The following FER variants were observed in gnomAD, a reference collection of about 807,000 sequenced individuals.
FER encodes the protein tyrosine-protein kinase Fer.
Under a neutral mutation model 111.0 loss-of-function variants are expected in FER, and 63 were observed. The observed-to-expected ratio is 0.57, with a 90% CI of 0.46 to 0.70. The LOEUF is 0.70. FER is among the 30% of genes least tolerant of loss of function. The pLI is 0.00. For missense variants in FER, 914 were observed against 954.0 expected, an observed-to-expected ratio of 0.96 and a Z score of 0.55; for synonymous variants, 327 against 313.9, an observed-to-expected ratio of 1.04 and a Z score of -0.44.
At chr5:109,116,030 A>C (rs537593972) in intron 17 of FER, among the ~76,000 whole-genome samples, 3 of 152,134 alleles carry the variant, frequency 2.0e-5, no homozygotes, top group Non-Finnish European at 4.4e-5. Context: ...TGAAATGATG[A>C]GATACCAAAG....
intron 16 of FER, among the ~76,000 whole-genome samples, chr5:109,056,798 A>G (rs1773707931): frequency 6.6e-6 from 1 of 152,212 alleles, no homozygotes; most frequent in African/African-American, 2.4e-5. Flanking sequence ...TCTTTTTACC[A>G]TCAATATGTA....
chr5:109,014,977 T>G (rs1206230289), intron 13 of FER: 1 of 152,028 alleles, frequency 6.6e-6, no homozygotes, highest in African/African-American at 2.4e-5. Context: ...TAATGTTGAT[T>G]TTTTTTAAAG....
intron 5 of FER, among the ~76,000 whole-genome samples, chr5:108,865,815 G>T (rs1763990641): frequency 6.6e-6 from 1 of 152,154 alleles, no homozygotes; most frequent in South Asian, 2.1e-4. Context: ...CATTTATGCA[G>T]CCAAAAGACA....
chr5:108,885,662 G>A lies in FER; in HGVS notation c.1046+2144G>A, dbSNP rs184611665. ...CTTTTATAATGGCACTAATCCCATT[G>A]ATAAGGGCTCTACCTTCATGACTTA... On this transcript the variant is annotated intron_variant, in intron 9 of 19. Transcript: ENST00000281092. Among the ~76,000 whole-genome samples the A allele has an allele frequency of 8.6e-5, 13 of 151,836 alleles. No homozygotes were observed. The East Asian group carries it at 2.3e-3, about 27-fold the overall frequency.
intron 11 of FER, among the ~76,000 whole-genome samples, chr5:108,952,988 T>C (rs952267932): frequency 5.9e-5 from 9 of 152,048 alleles, no homozygotes; most frequent in Admixed American, 2.0e-4. Context: ...CAGTAATAAC[T>C]GTTGAATAAA....
chr5:108,778,325 C>T (rs971081655), intron 2 of FER, among the ~76,000 whole-genome samples: 7 of 152,246 alleles, frequency 4.6e-5, no homozygotes, highest in African/African-American at 9.6e-5. Context: ...CAAGGACTTA[C>T]GGGGCATTTA....
intron 13 of FER, among the ~76,000 whole-genome samples, chr5:108,982,313 G>A (rs997121380): frequency 7.2e-5 from 11 of 152,104 alleles, no homozygotes; most frequent in Non-Finnish European, 1.5e-4. Flanking sequence ...AATTTAGATG[G>A]AGAATATAGT....
At position 108,959,348 on chromosome 5, in the gene FER, G is replaced by A; in HGVS notation, c.1656+1G>A. The stretch of plus-strand genomic sequence containing the variant: ...AGTTCTGCTGAATCCTATTCCTAAG[G>A]TAGGTGCTTATATACTTTTTTGTCT... On this transcript the variant is annotated splice_donor_variant, in intron 13 of 19. Transcript: ENST00000281092. LOFTEE classifies it high-confidence loss of function. The A allele has an allele frequency of 6.2e-7, 1 of 1,604,880 alleles. No individual in the cohort carries two copies. Among genetic ancestry groups the A allele is most frequent in the Non-Finnish European group, 8.5e-7 (1 of 1,175,944 alleles).
chr5:109,058,705 T>A (rs1773959195), intron 16 of FER, among the ~76,000 whole-genome samples: 1 of 148,028 alleles, frequency 6.8e-6, no homozygotes, highest in Admixed American at 6.7e-5. Context: ...ATCTTCTTTT[T>A]CTTTTTCTTT....
chr5:108,786,794 C>A (rs889433226), intron 2 of FER, among the ~76,000 whole-genome samples: 3 of 152,212 alleles, frequency 2.0e-5, no homozygotes, highest in Non-Finnish European at 4.4e-5. Flanking sequence ...GCCACCGTGC[C>A]CGGCCAAATT....
At chr5:109,179,868 G>T (rs1758108295) in intron 17 of FER, among the ~76,000 whole-genome samples, 1 of 152,076 alleles carries the variant, frequency 6.6e-6, no homozygotes, top group Non-Finnish European at 1.5e-5. Context: ...CCAAGGGATG[G>T]CTGTATATGA....
chr5:108,817,516 G>A (rs1212483036), intron 3 of FER, among the ~76,000 whole-genome samples: 7 of 152,138 alleles, frequency 4.6e-5, no homozygotes, highest in Non-Finnish European at 1.0e-4. Flanking sequence ...AGTAGTTGGA[G>A]GTGTAGTCTG....
chr5:108,993,421 C>T (rs1222198982), intron 13 of FER, among the ~76,000 whole-genome samples: 6 of 152,230 alleles, frequency 3.9e-5, no homozygotes, highest in South Asian at 2.1e-4. Flanking sequence ...CGCCTGCAAT[C>T]GCAGGCACTC....
At chr5:109,098,492 A>G (rs902346006) in intron 16 of FER, among the ~76,000 whole-genome samples, 4 of 151,862 alleles carry the variant, frequency 2.6e-5, no homozygotes, top group Non-Finnish European at 5.9e-5. Flanking sequence ...TGTAGCTCAG[A>G]CAGAATACTA....
chr5:109,110,960 A>T (rs546261694), intron 17 of FER, among the ~76,000 whole-genome samples: 3 of 152,250 alleles, frequency 2.0e-5, no homozygotes, highest in African/African-American at 7.2e-5. Context: ...TCCTCCTGGC[A>T]TTGTTTTATC....
At chr5:108,848,913 A>G (rs1407974385) in intron 5 of FER, among the ~76,000 whole-genome samples, 2 of 152,142 alleles carry the variant, frequency 1.3e-5, no homozygotes, top group East Asian at 3.9e-4. Flanking sequence ...TTCATTTTAA[A>G]ATATATTTTT....
At chr5:108,873,300 G>A (rs1024015749) in intron 8 of FER, among the ~76,000 whole-genome samples, 13 of 151,864 alleles carry the variant, frequency 8.6e-5, no homozygotes, top group Non-Finnish European at 1.8e-4. Flanking sequence ...GTGCCACCAT[G>A]CCTGGCTAAT....
At chr5:108,953,762 A>T (rs1363662496) in intron 11 of FER, among the ~76,000 whole-genome samples, 1 of 152,094 alleles carries the variant, frequency 6.6e-6, no homozygotes, top group African/African-American at 2.4e-5. Context: ...TCCAATTTAT[A>T]AATTACTTTC....
intron 16 of FER, among the ~76,000 whole-genome samples, chr5:109,078,344 T>C (rs148148005): frequency 6.6e-6 from 1 of 152,334 alleles, no homozygotes; most frequent in East Asian, 1.9e-4. Flanking sequence ...AAATATTTTT[T>C]ATCCACTGAC....
Sources: allele counts gnomAD v4.1 joint callset (sites outside exome capture counted in the v4.1 genomes callset), GRCh38; gene constraint gnomAD v4.1.1; transcripts MANE v1.5; gene names NCBI Gene and HGNC (gene_info 2026-07-23, HGNC 2026-07-21).